Variants in MAGI2 observed in about 807,000 individuals in gnomAD.
MAGI2 encodes membrane associated guanylate kinase, WW and PDZ domain containing 2.
Under a neutral mutation model 133.3 loss-of-function variants are expected in MAGI2, and 35 were observed. The observed-to-expected ratio is 0.26, with a 90% CI of 0.20 to 0.35. The LOEUF (loss-of-function observed/expected upper bound fraction) is 0.35. Among genes scored for constraint, MAGI2 ranks in the 10% least tolerant of loss-of-function variants. MAGI2 has a pLI of 1.00. For synonymous variants in MAGI2, 729 were observed against 710.6 expected (o/e 1.03, Z -0.41); for missense variants, 1,636 against 1,863.4 (o/e 0.88, Z 2.25).
At chr7:79,403,648 G>A (rs1290415123) in intron 1 of MAGI2, among the ~76,000 whole-genome samples, 3 of 152,000 alleles carry the variant, frequency 2.0e-5, no homozygotes, top group South Asian at 4.1e-4. Context: ...CACTATGCCT[G>A]CCAAAAATGA....
intron 5 of MAGI2, among the ~76,000 whole-genome samples, chr7:78,498,583 C>CAG (rs1794338383): frequency 6.6e-6 from 1 of 152,034 alleles, no homozygotes; most frequent in Non-Finnish European, 1.5e-5. Context: ...AAACCATAGG[C>CAG]AGAGAGAGAG....
intron 2 of MAGI2, among the ~76,000 whole-genome samples, chr7:78,747,333 A>G (rs73702968): frequency 0.064 from 9,758 of 152,172 alleles, 351 homozygotes; most frequent in Admixed American, 0.11. Context: ...TTTTATCTAA[A>G]CCAGTGGAAA....
At chr7:79,343,055 T>C (rs1318564740) in intron 1 of MAGI2, among the ~76,000 whole-genome samples, 1 of 152,126 alleles carries the variant, frequency 6.6e-6, no homozygotes, top group Non-Finnish European at 1.5e-5. Flanking sequence ...TGATCCATCA[T>C]GCCCGGCCTG....
chr7:78,962,265 G>A (rs1393743262), intron 2 of MAGI2, among the ~76,000 whole-genome samples: 2 of 152,038 alleles, frequency 1.3e-5, no homozygotes, highest in African/African-American at 4.8e-5. Context: ...TTTAAAATGT[G>A]ACATGCTAGA....
chr7:78,767,547 T>A (rs1825154143), intron 2 of MAGI2, among the ~76,000 whole-genome samples: 1 of 152,150 alleles, frequency 6.6e-6, no homozygotes, highest in South Asian at 2.1e-4. Flanking sequence ...TGTCATGTTG[T>A]CACCTAATAA....
chr7:78,744,445 AT>A (rs1315688193), intron 2 of MAGI2, among the ~76,000 whole-genome samples: 4 of 152,130 alleles, frequency 2.6e-5, no homozygotes, highest in Admixed American at 2.6e-4. Flanking sequence ...AATCTGGTTG[AT>A]TCATCTTATG....
At chr7:79,375,217 T>G (rs563684851) in intron 1 of MAGI2, among the ~76,000 whole-genome samples, 6 of 152,158 alleles carry the variant, frequency 3.9e-5, no homozygotes, top group African/African-American at 1.4e-4. Flanking sequence ...GAGTATAATT[T>G]CATTCTGTAT....
At chr7:78,492,517 C>A (rs1793716995) in intron 5 of MAGI2, among the ~76,000 whole-genome samples, 1 of 152,104 alleles carries the variant, frequency 6.6e-6, no homozygotes, top group African/African-American at 2.4e-5. Flanking sequence ...AGACAACAGA[C>A]CAACCAGCTC....
rs191417104 is a variant in MAGI2 at position 79,175,425 on chromosome 7, T to C, written c.302-168219A>G. On this transcript the variant is annotated intron_variant, in intron 1 of 21. Transcript: ENST00000354212. ...TTCCCATCTTGCTTTAGTACTGGTTTTCTAAGGATTTCCCTAAATGAGATT... is the reference window on the plus strand; with the variant it reads ...TTCCCATCTTGCTTTAGTACTGGTTCTCTAAGGATTTCCCTAAATGAGATT... Among the ~76,000 whole-genome samples the C allele has an allele frequency of 6.4e-4, 97 of 152,084 alleles. 3 individuals are homozygous for C. The highest frequency in any genetic ancestry group is 2.2e-3 in the African/African-American group (93 of 41,424).
At chr7:78,304,775 T>C (rs762737190) in intron 9 of MAGI2, among the ~76,000 whole-genome samples, 2 of 152,164 alleles carry the variant, frequency 1.3e-5, no homozygotes, top group Admixed American at 6.5e-5. Flanking sequence ...ACTTTAATAA[T>C]GAAAGCTTCC....
intron 1 of MAGI2, among the ~76,000 whole-genome samples, chr7:79,393,884 C>T (rs1055828080): frequency 4.6e-5 from 7 of 152,132 alleles, no homozygotes; most frequent in Admixed American, 3.9e-4. Flanking sequence ...TTTTAGGCTC[C>T]GCTCTGCTTA....
intron 1 of MAGI2, among the ~76,000 whole-genome samples, chr7:79,241,001 A>G (rs1453836220): frequency 1.3e-5 from 2 of 151,952 alleles, no homozygotes; most frequent in African/African-American, 2.4e-5. Flanking sequence ...TATATAATAT[A>G]CAATTATATA....
chr7:79,193,432 G>A (rs1178665688), intron 1 of MAGI2, among the ~76,000 whole-genome samples: 1 of 151,852 alleles, frequency 6.6e-6, no homozygotes, highest in Non-Finnish European at 1.5e-5. Context: ...ACATTGTATA[G>A]TATTTCCACT....
chr7:79,253,727 G>T (rs1277638607), intron 1 of MAGI2, among the ~76,000 whole-genome samples: 1 of 152,012 alleles, frequency 6.6e-6, no homozygotes, highest in Non-Finnish European at 1.5e-5. Flanking sequence ...AGTATAAAAT[G>T]ATAAGAAGTA....
chr7:78,998,336 T>C (rs1332591536), intron 2 of MAGI2, among the ~76,000 whole-genome samples: 4 of 152,086 alleles, frequency 2.6e-5, no homozygotes, highest in Admixed American at 1.3e-4. Context: ...AATGATAAAA[T>C]ACAGAAAAGT....
intron 21 of MAGI2, among the ~76,000 whole-genome samples, chr7:78,020,572 CAA>C (rs67109509): frequency 6.8e-6 from 1 of 147,256 alleles, no homozygotes. Flanking sequence ...CTGATGGGCT[CAA>C]AAAAAAAAGG....
intron 6 of MAGI2, among the ~76,000 whole-genome samples, chr7:78,460,315 C>T (rs1470821194): frequency 6.6e-6 from 1 of 152,168 alleles, no homozygotes; most frequent in African/African-American, 2.4e-5. Context: ...TTCCCTTTAG[C>T]TCAGCAATTA....
intron 3 of MAGI2, among the ~76,000 whole-genome samples, chr7:78,531,344 G>C (rs750318004): frequency 3.3e-5 from 5 of 151,504 alleles, no homozygotes; most frequent in Non-Finnish European, 7.4e-5. Flanking sequence ...CTCCCAAGTA[G>C]CTGGGGCTAC....
At chr7:78,424,449 T>C (rs576346543) in intron 6 of MAGI2, among the ~76,000 whole-genome samples, 79 of 152,262 alleles carry the variant, frequency 5.2e-4, no homozygotes, top group Middle Eastern at 3.4e-3. Context: ...AATATGGGGT[T>C]GGAGTCCCCT....
Sources: gnomAD v4.1 joint callset for allele counts (sites outside exome capture counted in the v4.1 genomes callset) on GRCh38, gnomAD v4.1.1 for gene constraint, MANE v1.5 for transcripts, NCBI Gene and HGNC (gene_info 2026-07-23, HGNC 2026-07-21) for gene names.